Variants in UBXN2A observed in about 807,000 individuals in gnomAD.
UBXN2A encodes the protein UBX domain protein 2A.
A neutral mutation model predicts 28.4 loss-of-function variants in UBXN2A; 28 were observed. The observed-to-expected ratio is 0.99, with a 90% confidence interval of 0.73 to 1.35. The LOEUF is 1.35. UBXN2A is among the 40% of genes most tolerant of loss of function. The pLI, the probability that UBXN2A is intolerant of heterozygous loss-of-function variation, is 0.00. For missense variants in UBXN2A, 253 were observed against 297.9 expected, an observed-to-expected ratio of 0.85 and a Z score of 1.11; for synonymous variants, 97 against 103.6, an observed-to-expected ratio of 0.94 and a Z score of 0.39.
At chr2:23,947,006 G>A (rs1241722360) in intron 1 of UBXN2A, among the ~76,000 whole-genome samples, 6 of 151,156 alleles carry the variant, frequency 4.0e-5, no homozygotes, top group Admixed American at 2.6e-4. Flanking sequence ...TCCTGCCTCA[G>A]CATCCTGACT....
intron 1 of UBXN2A, among the ~76,000 whole-genome samples, chr2:23,948,190 T>C (rs1706185209): frequency 6.6e-6 from 1 of 151,164 alleles, no homozygotes; most frequent in South Asian, 2.1e-4. Context: ...AAAAGTAAAA[T>C]TTCATAATCA....
intron 2 of UBXN2A, among the ~76,000 whole-genome samples, chr2:23,965,838 C>T (rs1361526841): frequency 6.6e-6 from 1 of 152,138 alleles, no homozygotes; most frequent in Admixed American, 6.6e-5. Flanking sequence ...ATCATCCAGA[C>T]CTGGTGCTTC....
intron 6 of UBXN2A, among the ~76,000 whole-genome samples, chr2:23,998,372 A>G (rs1230619441): frequency 6.6e-6 from 1 of 152,224 alleles, no homozygotes; most frequent in Non-Finnish European, 1.5e-5. Context: ...TAAATAAGTC[A>G]TATAATATTT....
intron 2 of UBXN2A, among the ~76,000 whole-genome samples, chr2:23,961,491 A>C (rs1271668791): frequency 6.7e-6 from 1 of 149,872 alleles, no homozygotes; most frequent in Non-Finnish European, 1.5e-5. Flanking sequence ...ATTTGTAAAA[A>C]TGTTTTGTTA....
intron 2 of UBXN2A, among the ~76,000 whole-genome samples, chr2:23,967,875 C>A (rs866330390): frequency 1.2e-4 from 18 of 151,536 alleles, no homozygotes; most frequent in African/African-American, 4.1e-4. Flanking sequence ...AAATGTATAC[C>A]TAAGTTAAAG....
At chr2:23,981,207 G>T (rs1414361979) in intron 4 of UBXN2A, among the ~76,000 whole-genome samples, 2 of 150,168 alleles carry the variant, frequency 1.3e-5, no homozygotes, top group East Asian at 3.9e-4. Context: ...AGTGGTTAAT[G>T]CCTGTAATCT....
At chr2:23,930,214 C>G (rs1400871892) in intron 1 of UBXN2A, among the ~76,000 whole-genome samples, 3 of 152,098 alleles carry the variant, frequency 2.0e-5, no homozygotes, top group Non-Finnish European at 4.4e-5. Context: ...TTAAATCCAA[C>G]TGAGCTTGAG....
chr2:23,938,492 C>T (rs1196728452), upstream of UBXN2A, among the ~76,000 whole-genome samples: 1 of 151,468 alleles, frequency 6.6e-6, no homozygotes, highest in Non-Finnish European at 1.5e-5. Context: ...GGTATCAATA[C>T]TCCTCAAATT....
At chr2:23,938,207 T>G (rs1705586958), upstream of UBXN2A, among the ~76,000 whole-genome samples, 1 of 152,198 alleles carries the variant, frequency 6.6e-6, no homozygotes, top group Non-Finnish European at 1.5e-5. Flanking sequence ...GGCTCACACC[T>G]GTAATACCGG....
chr2:23,972,328 AT>A (rs1434262121), intron 3 of UBXN2A, among the ~76,000 whole-genome samples: 1 of 152,164 alleles, frequency 6.6e-6, no homozygotes, highest in African/African-American at 2.4e-5. Flanking sequence ...AGGGATGCTT[AT>A]TGGGGGCATT....
At chr2:23,974,547 C>T (rs2150875546) in intron 3 of UBXN2A, among the ~76,000 whole-genome samples, 1 of 151,554 alleles carries the variant, frequency 6.6e-6, no homozygotes, top group South Asian at 2.1e-4. Context: ...AGGATTTCAC[C>T]ATGTTAGCCA....
chr2:23,936,611 T>G (rs898306204), upstream of UBXN2A, among the ~76,000 whole-genome samples: 2 of 150,932 alleles, frequency 1.3e-5, no homozygotes, highest in Non-Finnish European at 2.9e-5. Flanking sequence ...GGAGAGAGAC[T>G]CTGTCTCAAA....
At chr2:23,990,248 C>T (rs2150909778) in intron 6 of UBXN2A, among the ~76,000 whole-genome samples, 1 of 151,808 alleles carries the variant, frequency 6.6e-6, no homozygotes, top group Admixed American at 6.6e-5. Context: ...GCTTGGTAGA[C>T]TGACATTCTG....
At chr2:23,993,862 AT>A (rs1466067517) in intron 6 of UBXN2A, among the ~76,000 whole-genome samples, 1 of 150,694 alleles carries the variant, frequency 6.6e-6, no homozygotes, top group Non-Finnish European at 1.5e-5. Context: ...TAATTTTTGT[AT>A]TTTTTTGGTA....
At chr2:23,969,876 T>A (rs1456120271) in intron 2 of UBXN2A, among the ~76,000 whole-genome samples, 3 of 152,170 alleles carry the variant, frequency 2.0e-5, no homozygotes, top group Non-Finnish European at 4.4e-5. Context: ...TATTCTGAAG[T>A]GTGCAAAGGA....
intron 5 of UBXN2A, 118 bp downstream of exon 5, chr2:23,983,151 C>A: frequency 8.3e-7 from 1 of 1,204,490 alleles, no homozygotes; most frequent in Non-Finnish European, 1.1e-6. Flanking sequence ...CATTGGAAAT[C>A]AGATTTTTTT....
intron 2 of UBXN2A, among the ~76,000 whole-genome samples, chr2:23,966,791 T>C (rs1042500454): frequency 8.7e-5 from 13 of 149,780 alleles, no homozygotes; most frequent in African/African-American, 3.2e-4. Context: ...TGTTTTTGTT[T>C]TGAGATAGGG....
intron 6 of UBXN2A, among the ~76,000 whole-genome samples, chr2:23,997,555 G>A (rs539744848): frequency 3.3e-5 from 5 of 151,798 alleles, no homozygotes; most frequent in Non-Finnish European, 5.9e-5. Flanking sequence ...AGGTTCAAGC[G>A]ATTCTCCTGC....
intron 1 of UBXN2A, chr2:23,927,635 G>A (rs534538387): frequency 2.4e-5 from 3 of 123,512 alleles, no homozygotes; most frequent in Non-Finnish European, 5.3e-5. Flanking sequence ...AGAAGAGAAG[G>A]GGGGGGGGAA....
Sources: gnomAD v4.1 joint callset for allele counts (sites outside exome capture counted in the v4.1 genomes callset) on GRCh38, gnomAD v4.1.1 for gene constraint, MANE v1.5 for transcripts, NCBI Gene and HGNC (gene_info 2026-07-23, HGNC 2026-07-21) for gene names.